The following NIBAN3 variants were observed in gnomAD, a reference collection of about 807,000 sequenced individuals.
NIBAN3 encodes the protein protein Niban 3.
Under a neutral mutation model 76.4 loss-of-function variants are expected in NIBAN3, and 66 were observed. That is an observed-to-expected ratio of 0.86 (90% CI 0.71 to 1.06). NIBAN3 has a LOEUF of 1.06. Ranked by LOEUF, NIBAN3 falls within the 50% of genes least tolerant of loss-of-function variation. The probability of loss-of-function intolerance (pLI) is 0.00; values close to 1 mark genes in which losing one functional copy is unlikely to be tolerated. For synonymous variants in NIBAN3, 360 were observed against 355.2 expected, an observed-to-expected ratio of 1.01 and a Z score of -0.15; for missense variants, 808 against 810.7, an observed-to-expected ratio of 1.00 and a Z score of 0.04.
chr19:17,524,316 C>T (rs1256534885), upstream of NIBAN3, among the ~76,000 whole-genome samples: 6 of 151,048 alleles, frequency 4.0e-5, no homozygotes, highest in Non-Finnish European at 3.0e-5. Context: ...GACAGAGTCT[C>T]GCCCTGTTGC....
chr19:17,527,562 T>C (rs2075629087), intron 1 of NIBAN3, among the ~76,000 whole-genome samples, 167 bp downstream of exon 1: 1 of 152,190 alleles, frequency 6.6e-6, no homozygotes, highest in African/African-American at 2.4e-5. Flanking sequence ...CTTTTTTTAT[T>C]GTTGAGACAG....
chr19:17,551,023 T>C lies in NIBAN3; in HGVS notation c.1751-763T>C, dbSNP rs374042922. 3.7e-4 allele frequency among the ~76,000 whole-genome samples: 57 copies of C among 152,116 alleles called. No individual in the cohort carries two copies. The East Asian group carries it at 6.9e-3, about 19-fold the overall frequency. ...TTTAGGAGCTGCTTTTAGCTCCTTTTCTGAGAACCTTCTCTCCTATCCTTC... is the reference window on the plus strand; with the variant it reads ...TTTAGGAGCTGCTTTTAGCTCCTTTCCTGAGAACCTTCTCTCCTATCCTTC... On this transcript the variant is annotated intron_variant, in intron 14 of 14. Transcript: ENST00000599164.
At position 17,553,286 on chromosome 19, in the gene NIBAN3, T is replaced by C; in HGVS notation, c.*1388T>C. On this transcript the variant is annotated 3_prime_UTR_variant, in exon 15 of 15. Transcript: ENST00000599164. ...TTTTGGGGTTTTTTTCTCCGCTTGC[T>C]GTGAGCCTTTTGGGTTTGTTTCCTA... 1 of 1,607,768 alleles carries C rather than the reference T, an allele frequency of 6.2e-7. No individual in the cohort carries two copies. Among genetic ancestry groups the C allele is most frequent in the Non-Finnish European group, 8.5e-7 (1 of 1,175,866 alleles).
upstream of NIBAN3, chr19:17,527,133 C>CAG: frequency 7.5e-7 from 1 of 1,334,464 alleles, no homozygotes; most frequent in Non-Finnish European, 1.0e-6. Context: ...GGGCTGTCCC[C>CAG]GCAGCCTCTA....
intron 4 of NIBAN3, among the ~76,000 whole-genome samples, chr19:17,534,514 G>A (rs536790612): frequency 6.6e-5 from 10 of 152,090 alleles, no homozygotes; most frequent in South Asian, 6.2e-4. Flanking sequence ...AAGGTAGGCC[G>A]GGCGTGGTGG....
At chr19:17,540,172 T>G in intron 8 of NIBAN3, 1 of 427,642 alleles carries the variant, frequency 2.3e-6, no homozygotes, top group East Asian at 3.6e-5. Context: ...GGGTAAAGGC[T>G]GATACATGGG....
chr19:17,547,173 T>A (rs1297527181), intron 13 of NIBAN3, among the ~76,000 whole-genome samples: 1 of 151,168 alleles, frequency 6.6e-6, no homozygotes, highest in Non-Finnish European at 1.5e-5. Flanking sequence ...TCCAACATGG[T>A]GAAACCCCGT....
At chr19:17,533,430 A>C in intron 3 of NIBAN3, 157 bp from the exon 4 acceptor site, 1 of 483,798 alleles carries the variant, frequency 2.1e-6, no homozygotes, top group African/African-American at 2.4e-5. Context: ...AAAAAAAAAA[A>C]GAGAGAGGGA....
At chr19:17,537,670 G>T in intron 5 of NIBAN3, 127 bp downstream of exon 5, 1 of 878,490 alleles carries the variant, frequency 1.1e-6, no homozygotes, top group Non-Finnish European at 1.7e-6. Flanking sequence ...TTTAGGCCAG[G>T]TGTGGTGGTT....
chr19:17,537,820 C>T (rs1478115554), intron 5 of NIBAN3, among the ~76,000 whole-genome samples: 1 of 152,080 alleles, frequency 6.6e-6, no homozygotes, highest in Admixed American at 6.6e-5. Context: ...GTGGAAGGCA[C>T]CTGTAATCCC....
upstream of NIBAN3, among the ~76,000 whole-genome samples, chr19:17,525,327 G>C (rs112591489): frequency 3.2e-3 from 450 of 142,780 alleles, 4 homozygotes; most frequent in African/African-American, 0.011. Flanking sequence ...CCCTCCCTCC[G>C]TCCCTCCCTT....
intron 4 of NIBAN3, among the ~76,000 whole-genome samples, chr19:17,535,745 C>CA (rs1163900162): frequency 0.08 from 6,853 of 85,774 alleles, 220 homozygotes; most frequent in South Asian, 0.12. Flanking sequence ...AAGACTCTGT[C>CA]AAAAAAAAAA....
chr19:17,551,977 C>G lies in NIBAN3; in HGVS notation c.*79C>G. On this transcript the variant is annotated 3_prime_UTR_variant, in exon 15 of 15. Coordinates refer to ENST00000599164, the MANE Select transcript of NIBAN3 (RefSeq NM_001321827.2). ...TTCTGGGCCAAAACGGATGTGCCAT[C>G]TTTAGGCTTTTGTAACCCCTGCAAC... is the stretch of plus-strand genomic sequence containing the variant. The G allele has an allele frequency of 1.5e-6, 1 of 664,678 alleles. No individual in the cohort carries two copies. The highest frequency in any genetic ancestry group is 2.9e-6 in the Non-Finnish European group (1 of 348,572). 41.2% of individuals were successfully genotyped at this position (664,678 alleles called of 1,614,324 possible). A position where few individuals can be genotyped will look rare whatever the true frequency, so the allele number is the denominator to read the frequency against.
In NIBAN3 at chr19:17,540,443, A is replaced by G; in HGVS notation, c.1031A>G (p.Gln344Arg). The change falls in exon 9 of 15, where the codon CAG becomes CGG. Residue 344 changes from glutamine to arginine, a missense_variant. Physicochemically the swap from Gln to Arg is conservative, Grantham distance 43. Coordinates refer to ENST00000599164, the MANE Select transcript of NIBAN3 (RefSeq NM_001321827.2). ...TGCCTGCGCCGGGAGGTGGACCCGC[A>G]GCTGCCCCGGGTCGTGCAGACCCTG... ...ESCLRREVDP[Q>R]LPRVVQTLLR... 6.4e-7 allele frequency: 1 copy of G among 1,553,326 alleles called. No homozygotes were observed. Among genetic ancestry groups the G allele is most frequent in the African/African-American group, 1.4e-5 (1 of 71,590 alleles).
At chr19:17,536,853 C>T (rs2075833700) in intron 4 of NIBAN3, among the ~76,000 whole-genome samples, 1 of 152,112 alleles carries the variant, frequency 6.6e-6, no homozygotes, top group East Asian at 1.9e-4. Context: ...GTAGCTTGGC[C>T]AGGCTGGGCA....
At chr19:17,553,751 T>C, downstream of NIBAN3, 1 of 613,138 alleles carries the variant, frequency 1.6e-6, no homozygotes, top group Non-Finnish European at 2.9e-6. Flanking sequence ...AAAAACATTG[T>C]TTGCCCTTGG....
Position 17,543,642 on chromosome 19 carries a change from G to C in NIBAN3, c.1554+11G>C. 6.2e-7 allele frequency: 1 copy of C among 1,607,140 alleles called. No homozygotes were observed. The highest frequency in any genetic ancestry group is 2.2e-5 in the East Asian group (1 of 44,810). Reference sequence around the variant, plus strand: ...CCAGGCTGCAAAAAGGTGAGTTAATGGGAAGTGTGCAAGAGGGTCTGACAG... The same window carrying C: ...CCAGGCTGCAAAAAGGTGAGTTAATCGGAAGTGTGCAAGAGGGTCTGACAG... On this transcript the variant is annotated intron_variant, in intron 12 of 14. Transcript: ENST00000599164.
At position 17,527,403 on chromosome 19, in the gene NIBAN3, G is replaced by A. The variant is rs1402758265; in HGVS notation, c.55+8G>A. On this transcript the variant is annotated splice_region_variant and intron_variant, in intron 1 of 14. Transcript: ENST00000599164. ...AGCGGCAGCACCTAAGGGGTGAGCA[G>A]CCGGGGAGGGGACAGGGTGGGAGTC... 8 of 1,516,470 alleles carry A rather than the reference G, an allele frequency of 5.3e-6. No individual in the cohort carries two copies. The African/African-American group carries it at 5.5e-5, about 10-fold the overall frequency. 93.9% of individuals were successfully genotyped at this position (1,516,470 alleles called of 1,614,324 possible). A position where few individuals can be genotyped will look rare whatever the true frequency, so the allele number is the denominator to read the frequency against.
chr19:17,527,303 T>A lies in NIBAN3; in HGVS notation c.-38T>A. Reference sequence around the variant, plus strand: ...AGCCGAGGAACGCAGGCGGTGGTCGTGGGGAAGGGAAGAGGAGCCCCGGGA... The same window carrying A: ...AGCCGAGGAACGCAGGCGGTGGTCGAGGGGAAGGGAAGAGGAGCCCCGGGA... On this transcript the variant is annotated 5_prime_UTR_variant, in exon 1 of 15. Coordinates refer to ENST00000599164, the MANE Select transcript of NIBAN3 (RefSeq NM_001321827.2). 2.6e-6 allele frequency: 4 copies of A among 1,549,690 alleles called. No individual in the cohort carries two copies. The highest frequency in any genetic ancestry group is 3.5e-6 in the Non-Finnish European group (4 of 1,146,596).
Sources: gnomAD v4.1 joint callset for allele counts (sites outside exome capture counted in the v4.1 genomes callset) on GRCh38, gnomAD v4.1.1 for gene constraint, MANE v1.5 for transcripts, NCBI Gene and HGNC (gene_info 2026-07-23, HGNC 2026-07-21) for gene names.